Variants in SYT16 observed in about 807,000 individuals in gnomAD.
SYT16 encodes the protein synaptotagmin 16, also known as synaptotagmin-16.
SYT16 carries 42 observed loss-of-function variants against 61.4 expected under a neutral mutation model. That is an observed-to-expected ratio of 0.68 (90% CI 0.53 to 0.89). The LOEUF (loss-of-function observed/expected upper bound fraction) is 0.89, where lower values mean the gene tolerates loss of function less well. SYT16 is among the 40% of genes least tolerant of loss of function. The probability of loss-of-function intolerance (pLI) is 0.00; values close to 1 mark genes in which losing one functional copy is unlikely to be tolerated. For synonymous variants in SYT16, 314 were observed against 302.3 expected (o/e 1.04, Z -0.40); for missense variants, 804 against 807.3 (o/e 1.00, Z 0.05).
intron 3 of SYT16, among the ~76,000 whole-genome samples, chr14:62,052,161 ATTAG>A (rs1224329378): frequency 2.0e-5 from 3 of 152,140 alleles, no homozygotes; most frequent in Non-Finnish European, 4.4e-5. Context: ...CATTTATCAT[ATTAG>A]TTTTTCAATC....
chr14:61,861,142 A>G (rs1279062643), intron 1 of SYT16, among the ~76,000 whole-genome samples: 1 of 152,172 alleles, frequency 6.6e-6, no homozygotes, highest in Non-Finnish European at 1.5e-5. Flanking sequence ...AATACTGCTC[A>G]CCAACTGGGA....
chr14:62,087,160 A>G (rs1294673556), intron 7 of SYT16, among the ~76,000 whole-genome samples: 1 of 152,256 alleles, frequency 6.6e-6, no homozygotes, highest in Non-Finnish European at 1.5e-5. Context: ...CATATGGAAG[A>G]GAACAAGAGA....
At chr14:62,072,619 T>C (rs1566820510) in intron 4 of SYT16, among the ~76,000 whole-genome samples, 2 of 152,218 alleles carry the variant, frequency 1.3e-5, no homozygotes, top group Non-Finnish European at 2.9e-5. Context: ...TAATCTCCTT[T>C]GCTTAAAGTC....
intron 1 of SYT16, among the ~76,000 whole-genome samples, chr14:61,847,689 ACT>A (rs1355706708): frequency 1.3e-5 from 2 of 151,562 alleles, no homozygotes; most frequent in Non-Finnish European, 2.9e-5. Context: ...ATGGCCAATA[ACT>A]CTGCCTTTTA....
At chr14:61,833,677 C>T (rs1481229361) in intron 1 of SYT16, among the ~76,000 whole-genome samples, 1 of 134,188 alleles carries the variant, frequency 7.5e-6, no homozygotes, top group Non-Finnish European at 1.5e-5. Context: ...GCTGGGATTA[C>T]AGACATTAGC....
intron 1 of SYT16, among the ~76,000 whole-genome samples, chr14:61,817,262 C>CA (rs1188399808): frequency 6.6e-6 from 1 of 151,432 alleles, no homozygotes; most frequent in Non-Finnish European, 1.5e-5. Context: ...ACTAAAAATA[C>CA]AAAAAATTAG....
At chr14:62,050,624 T>A (rs1016440658) in intron 3 of SYT16, among the ~76,000 whole-genome samples, 1 of 152,222 alleles carries the variant, frequency 6.6e-6, no homozygotes, top group African/African-American at 2.4e-5. Context: ...TGGTCTTTGA[T>A]GATGGTGACG....
intron 3 of SYT16, among the ~76,000 whole-genome samples, chr14:62,043,938 G>C (rs1044560942): frequency 6.6e-6 from 1 of 152,160 alleles, no homozygotes; most frequent in Admixed American, 6.5e-5. Flanking sequence ...CTCTCAAAGT[G>C]CTGGGATTAC....
chr14:61,993,758 A>G (rs796177597), intron 2 of SYT16, among the ~76,000 whole-genome samples: 12 of 152,324 alleles, frequency 7.9e-5, no homozygotes, highest in African/African-American at 2.9e-4. Flanking sequence ...ATTGTTTAAC[A>G]TCTTTTTAAC....
Position 61,986,559 on chromosome 14 carries a change from G to A in SYT16, c.-144-9317G>A, listed in dbSNP as rs542405920. ...GTTGGTGTGCTGCACCCATTAACTC[G>A]TCATTTACATTAGGTATATCTCCTA... On this transcript the variant is annotated intron_variant, in intron 2 of 7. Coordinates refer to ENST00000683842, the MANE Select transcript of SYT16 (RefSeq NM_001367656.1). Among the ~76,000 whole-genome samples the A allele has an allele frequency of 8.2e-4, 124 of 151,560 alleles. 1 individual carries two copies. The South Asian group carries it at 9.2e-3, about 11-fold the overall frequency.
At chr14:61,859,795 C>CCG (rs2046910917) in intron 1 of SYT16, among the ~76,000 whole-genome samples, 1 of 152,044 alleles carries the variant, frequency 6.6e-6, no homozygotes, top group South Asian at 2.1e-4. Flanking sequence ...CTTGGGGCTC[C>CCG]AAGCGAACTA....
chr14:61,936,701 C>T lies in SYT16; in HGVS notation c.-324-33431C>T, dbSNP rs148767008. Among the ~76,000 whole-genome samples the T allele has an allele frequency of 1.8e-3, 270 of 152,238 alleles. 2 individuals are homozygous for T. Among genetic ancestry groups the T allele is most frequent in the Admixed American group, 5.6e-3 (85 of 15,294 alleles). ...TGTGCCACCTGTCTGTCCCCTCCTC[C>T]GTTCTATGTCTGCCTCTATAGCCAT... On this transcript the variant is annotated intron_variant, in intron 1 of 7. Transcript: ENST00000683842.
chr14:62,074,017 C>T (rs542507228), intron 4 of SYT16, among the ~76,000 whole-genome samples: 29 of 152,182 alleles, frequency 1.9e-4, no homozygotes, highest in Non-Finnish European at 3.1e-4. Flanking sequence ...TGCCAACCCA[C>T]GCCCTTGTCC....
chr14:62,051,015 T>A (rs956135002), intron 3 of SYT16, among the ~76,000 whole-genome samples: 8 of 152,238 alleles, frequency 5.3e-5, no homozygotes, highest in African/African-American at 1.9e-4. Context: ...CAGGGACATT[T>A]ACGTCTGTAG....
At chr14:61,897,482 C>G (rs550453273) in intron 1 of SYT16, 2 of 152,220 alleles carry the variant, frequency 1.3e-5, no homozygotes, top group African/African-American at 2.4e-5. Flanking sequence ...TTCTTAAAGT[C>G]TGCTGTTATT....
chr14:62,112,825 G>A (rs1487900527), downstream of SYT16, among the ~76,000 whole-genome samples: 1 of 152,090 alleles, frequency 6.6e-6, no homozygotes, highest in Non-Finnish European at 1.5e-5. Context: ...AAGAACATCA[G>A]GTAAGGAGCT....
intron 3 of SYT16, among the ~76,000 whole-genome samples, chr14:62,043,354 TG>T (rs899441949): frequency 2.0e-5 from 3 of 151,950 alleles, no homozygotes; most frequent in African/African-American, 7.2e-5. Flanking sequence ...ATTCCTAGTT[TG>T]TTAAGACTTT....
intron 1 of SYT16, among the ~76,000 whole-genome samples, chr14:61,852,280 G>A (rs1012346644): frequency 6.6e-6 from 1 of 152,068 alleles, no homozygotes; most frequent in Non-Finnish European, 1.5e-5. Flanking sequence ...TGGTCTATGT[G>A]TCTGTTTTTG....
At chr14:61,931,368 T>G (rs2049758654) in intron 1 of SYT16, among the ~76,000 whole-genome samples, 1 of 152,254 alleles carries the variant, frequency 6.6e-6, no homozygotes, top group African/African-American at 2.4e-5. Context: ...TATTTTCTTT[T>G]TTTTAAAAAT....
Sources: gnomAD v4.1 joint callset for allele counts (sites outside exome capture counted in the v4.1 genomes callset) on GRCh38, gnomAD v4.1.1 for gene constraint, MANE v1.5 for transcripts, NCBI Gene and HGNC (gene_info 2026-07-23, HGNC 2026-07-21) for gene names.